GREB1L: variants seen among roughly 807,000 people sequenced by gnomAD.
GREB1L encodes GREB1 like retinoic acid receptor coactivator.
In GREB1L, 17 loss-of-function variants were observed where a neutral mutation model predicts 200.8. The observed-to-expected ratio is 0.08, with a 90% CI of 0.06 to 0.13. The LOEUF is 0.13. Ranked by LOEUF, GREB1L falls within the 10% of genes least tolerant of loss-of-function variation. The pLI, the probability that GREB1L is intolerant of heterozygous loss-of-function variation, is 1.00. For synonymous variants in GREB1L, 789 were observed against 893.0 expected (o/e 0.88, Z 2.08); for missense variants, 1,657 against 2,367.7 (o/e 0.70, Z 6.23).
chr18:21,340,609 C>T (rs1477190446), intron 1 of GREB1L, among the ~76,000 whole-genome samples: 1 of 151,608 alleles, frequency 6.6e-6, no homozygotes, highest in Non-Finnish European at 1.5e-5. Flanking sequence ...ATGGCACAAT[C>T]TCAGCTCACT....
chr18:21,348,710 G>C (rs2039389944), intron 1 of GREB1L, among the ~76,000 whole-genome samples: 1 of 152,088 alleles, frequency 6.6e-6, no homozygotes, highest in Non-Finnish European at 1.5e-5. Context: ...GGGAGGCAGA[G>C]GTTGCAGTGA....
chr18:21,488,963 CT>C (rs1331862232), intron 18 of GREB1L, among the ~76,000 whole-genome samples: 2 of 152,114 alleles, frequency 1.3e-5, no homozygotes, highest in African/African-American at 4.8e-5. Context: ...AGCCTACTTT[CT>C]TTTTTAAAAA....
At chr18:21,301,740 CT>C (rs924102408) in intron 1 of GREB1L, among the ~76,000 whole-genome samples, 3 of 152,134 alleles carry the variant, frequency 2.0e-5, no homozygotes, top group African/African-American at 7.2e-5. Flanking sequence ...AACAAACGAA[CT>C]TTTTTTCAGA....
At chr18:21,408,381 A>AACTTATTAAGAT (rs1473345540) in intron 7 of GREB1L, among the ~76,000 whole-genome samples, 1 of 152,244 alleles carries the variant, frequency 6.6e-6, no homozygotes, top group Non-Finnish European at 1.5e-5. Context: ...ATAAGATGAC[A>AACTTATTAAGAT]GTCCAACTGA....
chr18:21,503,592 T>A (rs902664316), intron 23 of GREB1L, among the ~76,000 whole-genome samples: 6 of 143,398 alleles, frequency 4.2e-5, no homozygotes, highest in South Asian at 2.2e-4. Flanking sequence ...TATTATTATT[T>A]TTGAGATGGA....
intron 1 of GREB1L, among the ~76,000 whole-genome samples, chr18:21,268,522 TACACACAC>T (rs773384876): frequency 4.0e-4 from 26 of 65,160 alleles, no homozygotes; most frequent in South Asian, 8.2e-4. Context: ...TATATATATA[TACACACAC>T]ACACACACAC....
chr18:21,385,285 C>G (rs939685369), intron 4 of GREB1L, among the ~76,000 whole-genome samples: 20 of 151,690 alleles, frequency 1.3e-4, no homozygotes, highest in Non-Finnish European at 2.8e-4. Context: ...TCTTACAAAG[C>G]TTAAAGTGCA....
At chr18:21,368,487 G>T (rs1431451842) in intron 2 of GREB1L, among the ~76,000 whole-genome samples, 1 of 152,068 alleles carries the variant, frequency 6.6e-6, no homozygotes, top group Non-Finnish European at 1.5e-5. Context: ...CAGTGTTCAC[G>T]GTTGCTTTGA....
chr18:21,373,630 T>G (rs2039965246), intron 2 of GREB1L, among the ~76,000 whole-genome samples: 2 of 152,184 alleles, frequency 1.3e-5, no homozygotes, highest in Admixed American at 1.3e-4. Flanking sequence ...CCACTGTGCC[T>G]GGCCCTCTTT....
At position 21,300,054 on chromosome 18, in the gene GREB1L, A is replaced by T. The variant is rs185507934; in HGVS notation, c.-120+57661A>T. 1.6e-3 allele frequency among the ~76,000 whole-genome samples: 239 copies of T among 152,342 alleles called. 3 individuals carry two copies. The highest frequency in any genetic ancestry group is 5.6e-3 in the African/African-American group (232 of 41,576). ...TCCTTAATGCATCGATCAGTAGTTT[A>T]TATCCTTAAAGAATTCTTTATGGTA... On this transcript the variant is annotated intron_variant, in intron 1 of 32. Coordinates refer to ENST00000424526, the MANE Select transcript of GREB1L (RefSeq NM_001142966.3).
chr18:21,516,668 A>G lies in GREB1L; in HGVS notation c.5185A>G (p.Ile1729Val), dbSNP rs2037428353. The G allele has an allele frequency of 1.3e-6, 2 of 1,551,434 alleles. No individual in the cohort carries two copies. The highest frequency in any genetic ancestry group is 1.4e-5 in the African/African-American group (1 of 73,052). Reference sequence around the variant, plus strand: ...GAGAACAAACAGTAGTGGCCTGCTCATCTGCCGCTTTAATAACTTCAGTCT... The same window carrying G: ...GAGAACAAACAGTAGTGGCCTGCTCGTCTGCCGCTTTAATAACTTCAGTCT... Reference protein sequence around the residue: ...NLRTNSSGLLICRFNNFSLMK... With the variant: ...NLRTNSSGLLVCRFNNFSLMK... Residue 1729 changes from isoleucine (I) to valine (V), a missense_variant, in exon 30 of 33, where the codon ATC becomes GTC. By Grantham distance (29) the Ile-to-Val change is conservative. Around this residue, in one of 9 missense-constraint regions of GREB1L, gnomAD observed 151 missense variants for 309.6 expected, o/e 0.49. Transcript: ENST00000424526.
intron 7 of GREB1L, among the ~76,000 whole-genome samples, chr18:21,426,153 T>C (rs1028276674): frequency 7.9e-5 from 12 of 151,270 alleles, no homozygotes; most frequent in Non-Finnish European, 1.5e-4. Flanking sequence ...GTGTCCCAGG[T>C]TCAAGTGATT....
chr18:21,324,130 T>G (rs2038989105), intron 1 of GREB1L, among the ~76,000 whole-genome samples: 2 of 152,198 alleles, frequency 1.3e-5, no homozygotes, highest in African/African-American at 4.8e-5. Context: ...GACTCCCAGA[T>G]AGAGAAGTTG....
chr18:21,356,987 A>T (rs145500884), intron 1 of GREB1L, among the ~76,000 whole-genome samples: 1 of 152,210 alleles, frequency 6.6e-6, no homozygotes, highest in East Asian at 1.9e-4. Context: ...AGAAATGTCT[A>T]TTCAAGTCCT....
chr18:21,437,323 T>G (rs892109744), intron 7 of GREB1L, among the ~76,000 whole-genome samples: 15 of 152,174 alleles, frequency 9.9e-5, no homozygotes, highest in Non-Finnish European at 2.1e-4. Flanking sequence ...ATCTATCTTC[T>G]GGTTGGATTA....
chr18:21,419,316 C>T (rs891217621), intron 7 of GREB1L, among the ~76,000 whole-genome samples: 3 of 152,072 alleles, frequency 2.0e-5, no homozygotes, highest in Admixed American at 2.0e-4. Flanking sequence ...ATGTAGAAGA[C>T]CCAATGAAAT....
intron 16 of GREB1L, among the ~76,000 whole-genome samples, chr18:21,474,407 T>TGG (rs2035604058): frequency 6.6e-6 from 1 of 152,196 alleles, no homozygotes; most frequent in Admixed American, 6.5e-5. Flanking sequence ...TGACCCCACA[T>TGG]TTCCCTTCCA....
intron 18 of GREB1L, among the ~76,000 whole-genome samples, chr18:21,488,001 A>C (rs1424606636): frequency 2.1e-5 from 3 of 144,476 alleles, no homozygotes; most frequent in Non-Finnish European, 4.5e-5. Context: ...ACAGAGTGAG[A>C]CTCCATCTCA....
chr18:21,370,044 C>A (rs1682179730), intron 2 of GREB1L, among the ~76,000 whole-genome samples: 1 of 151,866 alleles, frequency 6.6e-6, no homozygotes, highest in Non-Finnish European at 1.5e-5. Flanking sequence ...AAATTTTTGT[C>A]TTTTAATCTG....
Sources: gnomAD v4.1 joint callset for allele counts (sites outside exome capture counted in the v4.1 genomes callset) on GRCh38, gnomAD v4.1.1 for gene constraint, gnomAD v4.1.1 regional missense constraint, MANE v1.5 for transcripts, NCBI Gene and HGNC (gene_info 2026-07-23, HGNC 2026-07-21) for gene names.